The following MARCHF11 variants were observed in gnomAD, a reference collection of about 807,000 sequenced individuals.
MARCHF11 encodes membrane associated ring-CH-type finger 11.
Under a neutral mutation model 37.3 loss-of-function variants are expected in MARCHF11, and 29 were observed. The observed-to-expected ratio is 0.78, with a 90% CI of 0.58 to 1.06. The LOEUF is 1.06. MARCHF11 is among the 50% of genes least tolerant of loss of function. The pLI is 0.00. For missense variants in MARCHF11, 482 were observed against 533.4 expected (o/e 0.90, Z 0.95); for synonymous variants, 233 against 228.0 (o/e 1.02, Z -0.20).
chr5:16,088,304 T>C (rs1736733463), intron 3 of MARCHF11, among the ~76,000 whole-genome samples: 1 of 152,216 alleles, frequency 6.6e-6, no homozygotes, highest in Non-Finnish European at 1.5e-5. Flanking sequence ...TACCTGCCTG[T>C]CCTCCTCATG....
intron 2 of MARCHF11, among the ~76,000 whole-genome samples, chr5:16,125,018 A>G (rs548935574): frequency 6.6e-6 from 1 of 151,596 alleles, no homozygotes; most frequent in African/African-American, 2.4e-5. Context: ...GCTTGGCCAC[A>G]TTCTTATTGT....
chr5:16,087,586 G>T (rs1736719652), intron 3 of MARCHF11, among the ~76,000 whole-genome samples: 1 of 152,308 alleles, frequency 6.6e-6, no homozygotes, highest in African/African-American at 2.4e-5. Flanking sequence ...AAATTTAGCT[G>T]CTGTCAATAG....
At chr5:16,099,556 AAAT>A (rs369001803) in intron 2 of MARCHF11, among the ~76,000 whole-genome samples, 98 of 152,302 alleles carry the variant, frequency 6.4e-4, no homozygotes, top group African/African-American at 2.2e-3. Context: ...TCAAAAGTTA[AAAT>A]AGGAGCAAAA....
chr5:16,119,473 G>A (rs897424486), intron 2 of MARCHF11, among the ~76,000 whole-genome samples: 7 of 152,038 alleles, frequency 4.6e-5, no homozygotes, highest in Admixed American at 2.6e-4. Flanking sequence ...ACCCTGAGGA[G>A]GCTGGCATTT....
intron 2 of MARCHF11, 117 bp downstream of exon 2, chr5:16,177,609 T>C: frequency 1.1e-6 from 1 of 882,258 alleles, no homozygotes. Flanking sequence ...GGTTTTAGTG[T>C]AATTTTCACA....
chr5:16,132,119 G>T (rs967124376), intron 2 of MARCHF11, among the ~76,000 whole-genome samples: 3 of 152,230 alleles, frequency 2.0e-5, no homozygotes, highest in African/African-American at 7.2e-5. Context: ...GATGGTGCAG[G>T]GGGATGCAGG....
At chr5:16,146,898 G>C (rs1040683731) in intron 2 of MARCHF11, among the ~76,000 whole-genome samples, 1 of 152,034 alleles carries the variant, frequency 6.6e-6, no homozygotes, top group Non-Finnish European at 1.5e-5. Flanking sequence ...GATAGCAAGA[G>C]GCATAACCAG....
intron 2 of MARCHF11, among the ~76,000 whole-genome samples, chr5:16,103,987 C>T (rs1736998714): frequency 6.6e-6 from 1 of 152,146 alleles, no homozygotes; most frequent in Non-Finnish European, 1.5e-5. Flanking sequence ...CAGCAGAACC[C>T]TTTCGGACCA....
intron 2 of MARCHF11, among the ~76,000 whole-genome samples, chr5:16,117,252 C>T (rs958677626): frequency 6.6e-6 from 1 of 152,156 alleles, no homozygotes; most frequent in Admixed American, 6.5e-5. Flanking sequence ...TTCTTCGATA[C>T]AGAGATAAAT....
At chr5:16,110,819 C>T (rs898366320) in intron 2 of MARCHF11, among the ~76,000 whole-genome samples, 2 of 152,210 alleles carry the variant, frequency 1.3e-5, no homozygotes, top group African/African-American at 2.4e-5. Flanking sequence ...CATGGTTTGG[C>T]TGTGTCCCCA....
chr5:16,152,714 G>A (rs116445366), intron 2 of MARCHF11, among the ~76,000 whole-genome samples: 89 of 151,962 alleles, frequency 5.9e-4, no homozygotes, highest in African/African-American at 2.1e-3. Context: ...CCTCTATTTG[G>A]CTAAGAATAA....
Position 16,179,268 on chromosome 5 carries a change from C to G in MARCHF11, c.308G>C (p.Gly103Ala). ...CTCCGGGAGGCGCCTCGGACCTTCC[C>G]CGGAGTCGCCGGCCGCCGCCACTTC... ...GQEVAAAGDS[G>A]EGPRRLPEAA... is the part of the protein sequence containing the mutation. The change falls in exon 1 of 4, where the codon GGG (glycine) becomes GCG (alanine). Residue 103 changes from glycine (G) to alanine (A), a missense_variant. By Grantham distance (60) the Gly-to-Ala change is moderately conservative. Coordinates refer to ENST00000332432, the MANE Select transcript of MARCHF11 (RefSeq NM_001102562.3). 7.6e-7 allele frequency: 1 copy of G among 1,310,916 alleles called. No individual in the cohort carries two copies. The highest frequency in any genetic ancestry group is 9.7e-7 in the Non-Finnish European group (1 of 1,028,214). The allele number at this position is 1,310,916 out of a possible 1,614,324, so 81.2% of individuals were successfully genotyped here. A position where few individuals can be genotyped will look rare whatever the true frequency, so the allele number is the denominator to read the frequency against.
intron 2 of MARCHF11, among the ~76,000 whole-genome samples, chr5:16,096,277 C>G (rs1736867021): frequency 6.6e-6 from 1 of 152,234 alleles, no homozygotes; most frequent in Admixed American, 6.5e-5. Context: ...TTCTAAATGG[C>G]ATCTCCAAAT....
rs530639808 is a variant in MARCHF11 at position 16,170,152 on chromosome 5, A to T, written c.693+7574T>A. The stretch of plus-strand genomic sequence containing the variant: ...GTGGCAGATTTCACACCAAAAATTT[A>T]TATCCAGTAGACGCTCTTAGCAGCT... On this transcript the variant is annotated intron_variant, in intron 2 of 3. Transcript: ENST00000332432. Among the ~76,000 whole-genome samples, 7 of 152,216 alleles carry T rather than the reference A, an allele frequency of 4.6e-5. No individual in the cohort carries two copies. In the South Asian group the frequency reaches 1.2e-3, roughly 27 times the overall value.
At position 16,109,827 on chromosome 5, in the gene MARCHF11, C is replaced by T. The variant is rs150609344; in HGVS notation, c.694-18746G>A. The stretch of plus-strand genomic sequence containing the variant: ...CTGTGTCAGAATTGAGTTGTGCACA[C>T]GGAATTGAAGAATTGCTTGTGGAAA... On this transcript the variant is annotated intron_variant, in intron 2 of 3. Transcript: ENST00000332432. 4.3e-3 allele frequency among the ~76,000 whole-genome samples: 661 copies of T among 152,244 alleles called. 9 individuals carry two copies. Among genetic ancestry groups the T allele is most frequent in the African/African-American group, 0.015 (604 of 41,542 alleles).
At chr5:16,159,043 G>A (rs1738029806) in intron 2 of MARCHF11, among the ~76,000 whole-genome samples, 1 of 151,750 alleles carries the variant, frequency 6.6e-6, no homozygotes, top group Non-Finnish European at 1.5e-5. Flanking sequence ...ATTCCACAGT[G>A]TATGCATATT....
chr5:16,142,743 G>A (rs892207982), intron 2 of MARCHF11, among the ~76,000 whole-genome samples: 2 of 144,070 alleles, frequency 1.4e-5, no homozygotes, highest in African/African-American at 5.2e-5. Flanking sequence ...CTAGGCTGGA[G>A]TACAATGGCG....
intron 2 of MARCHF11, among the ~76,000 whole-genome samples, chr5:16,106,890 A>G (rs1737049565): frequency 6.6e-6 from 1 of 152,094 alleles, no homozygotes; most frequent in Non-Finnish European, 1.5e-5. Flanking sequence ...CTGTGTTTGG[A>G]TTGTGGGTGT....
In MARCHF11 at chr5:16,161,870, G is replaced by A. The variant is rs117048058; in HGVS notation, c.693+15856C>T. Reference sequence around the variant, plus strand: ...TTCTCCAAATAGCCAGGTTCCTAGAGGGCATTCAATGAGATGATGAAGCGT... The same window carrying A: ...TTCTCCAAATAGCCAGGTTCCTAGAAGGCATTCAATGAGATGATGAAGCGT... On this transcript the variant is annotated intron_variant, in intron 2 of 3. Coordinates refer to ENST00000332432, the MANE Select transcript of MARCHF11 (RefSeq NM_001102562.3). 7.6e-4 allele frequency among the ~76,000 whole-genome samples: 116 copies of A among 152,036 alleles called. 2 individuals carry two copies. The East Asian group carries it at 0.019, about 25-fold the overall frequency.
Sources: allele counts gnomAD v4.1 joint callset (sites outside exome capture counted in the v4.1 genomes callset), GRCh38; gene constraint gnomAD v4.1.1; transcripts MANE v1.5; gene names NCBI Gene and HGNC (gene_info 2026-07-23, HGNC 2026-07-21).